The following CCNK variants were observed in gnomAD, a reference collection of about 807,000 sequenced individuals.
CCNK encodes cyclin-K.
In CCNK, 9 loss-of-function variants were observed where a neutral mutation model predicts 65.0. The ratio of observed to expected loss-of-function variants is 0.14; its 90% CI spans 0.08 to 0.24. The LOEUF (loss-of-function observed/expected upper bound fraction) is 0.24. CCNK is among the 10% of genes least tolerant of loss of function. The pLI is 1.00. For synonymous variants in CCNK, 279 were observed against 270.8 expected (o/e 1.03, Z -0.30); for missense variants, 474 against 720.0 (o/e 0.66, Z 3.91).
At chr14:99,494,365 A>C (rs1400274520) in intron 3 of CCNK, 1 of 152,258 alleles carries the variant, frequency 6.6e-6, no homozygotes, top group Non-Finnish European at 1.5e-5. Flanking sequence ...GCCAGACTTC[A>C]GAAATTTGGC....
At chr14:99,495,703 C>G in intron 4 of CCNK, 74 bp downstream of exon 4, 3 of 1,357,186 alleles carry the variant, frequency 2.2e-6, no homozygotes, top group Non-Finnish European at 3.0e-6. Context: ...CACATGTTGA[C>G]AGTGCCTGTA....
intron 5 of CCNK, 185 bp from the exon 6 acceptor site, chr14:99,501,171 G>T (rs930963709): frequency 2.9e-5 from 18 of 613,506 alleles, no homozygotes; most frequent in Non-Finnish European, 5.2e-5. Context: ...GTGGTTCAGC[G>T]TAGGTCATGA....
At chr14:99,498,792 G>A (rs971125516) in intron 4 of CCNK, among the ~76,000 whole-genome samples, 1 of 152,118 alleles carries the variant, frequency 6.6e-6, no homozygotes, top group Non-Finnish European at 1.5e-5. Flanking sequence ...CAAGTCCCCC[G>A]GATAAATAGG....
At chr14:99,508,741 GTCACACAGCAC>G (rs1897038997) in intron 10 of CCNK, 1 of 152,460 alleles carries the variant, frequency 6.6e-6, no homozygotes, top group African/African-American at 2.4e-5. Context: ...TTCCAGCTCA[GTCACACAGCAC>G]AAGGGCAGGC....
chr14:99,503,712 A>G (rs867029740), intron 9 of CCNK, 68 bp downstream of exon 9: 5 of 1,358,650 alleles, frequency 3.7e-6, no homozygotes, highest in African/African-American at 2.9e-5. Context: ...TTCTTAGCCA[A>G]CATTGTTTCT....
intron 10 of CCNK, chr14:99,507,740 G>A (rs796420997): frequency 6.5e-6 from 1 of 153,748 alleles, no homozygotes; most frequent in African/African-American, 2.4e-5. Context: ...GTGGCTACTA[G>A]GCTCCGGCCG....
In CCNK at chr14:99,503,791, T is replaced by C. The variant is rs955380878; in HGVS notation, c.1045+147T>C. The C allele has an allele frequency of 4.6e-6, 3 of 650,186 alleles. No individual in the cohort carries two copies. The African/African-American group carries it at 5.5e-5, about 12-fold the overall frequency. The allele number at this position is 650,186 out of a possible 1,614,324, so 40.3% of individuals were successfully genotyped here. ...ACAAAACTTTTCCATCAGCATTGTC[T>C]TTCTGTTCATCACCTGATCATAGAT... On this transcript the variant is annotated intron_variant, in intron 9 of 10. Coordinates refer to ENST00000389879, the MANE Select transcript of CCNK (RefSeq NM_001099402.2).
chr14:99,498,917 T>G (rs898473999), intron 4 of CCNK, among the ~76,000 whole-genome samples: 3 of 152,144 alleles, frequency 2.0e-5, no homozygotes, highest in Non-Finnish European at 2.9e-5. Context: ...CCTGTAACAG[T>G]ATGTGGGCTA....
In CCNK at chr14:99,510,628, T is replaced by TC. The variant is rs1897106634; in HGVS notation, c.1595dup (p.His533SerfsTer51). 1 of 1,260,318 alleles carries TC rather than the reference T, an allele frequency of 7.9e-7. No homozygotes were observed. The highest frequency in any genetic ancestry group is 1.0e-6 in the Non-Finnish European group (1 of 983,604). The allele number at this position is 1,260,318 out of a possible 1,614,324, so 78.1% of individuals were successfully genotyped here. ...CCACGCCTCCCGCCTACCCACGCAG[T>TC]CCCCCCTCATCCTCCTCCAGGGTTG... On this transcript the variant is annotated frameshift_variant, in exon 11 of 11. Transcript: ENST00000389879. LOFTEE classifies it high-confidence loss of function.
At chr14:99,491,555 A>C (rs1896598314) in intron 1 of CCNK, among the ~76,000 whole-genome samples, 1 of 150,956 alleles carries the variant, frequency 6.6e-6, no homozygotes, top group African/African-American at 2.4e-5. Context: ...ACACACAAAA[A>C]TGTAAATTAT....
In CCNK at chr14:99,500,946, G is replaced by A. The variant is rs989555276; in HGVS notation, c.517+75G>A. On this transcript the variant is annotated intron_variant, in intron 5 of 10. Transcript: ENST00000389879. Reference sequence around the variant, plus strand: ...TATAATTTGATGACACTCAAATTACGCTTCTCAAAAGCGGAAAACAAAGTT... The same window carrying A: ...TATAATTTGATGACACTCAAATTACACTTCTCAAAAGCGGAAAACAAAGTT... The A allele has an allele frequency of 9.4e-5, 88 of 934,656 alleles. No individual in the cohort carries two copies. The East Asian group carries it at 1.6e-3, about 17-fold the overall frequency. The allele number at this position is 934,656 out of a possible 1,614,324, so 57.9% of individuals were successfully genotyped here.
Position 99,510,205 on chromosome 14 carries a change from G to T in CCNK, c.1166G>T (p.Gly389Val). 1 of 1,597,520 alleles carries T rather than the reference G, an allele frequency of 6.3e-7. No homozygotes were observed. The highest frequency in any genetic ancestry group is 2.3e-5 in the East Asian group (1 of 44,346). ...AAALGEAEPP[G>V]PVDATDLPKV... ...GCCTTAGGTGAGGCTGAGCCGCCGGGCCCTGTGGATGCCACTGACCTCCCC... is the reference window on the plus strand; with the variant it reads ...GCCTTAGGTGAGGCTGAGCCGCCGGTCCCTGTGGATGCCACTGACCTCCCC... Residue 389 changes from glycine (G) to valine (V), a missense_variant, in exon 11 of 11, where the codon GGC becomes GTC. Transcript: ENST00000389879.
chr14:99,500,293 C>T (rs995335047), intron 4 of CCNK: 2 of 168,458 alleles, frequency 1.2e-5, no homozygotes, highest in Non-Finnish European at 2.5e-5. Flanking sequence ...AGTATATATA[C>T]ACACACATAC....
intron 1 of CCNK, chr14:99,491,900 G>A (rs906343186): frequency 1.3e-5 from 2 of 152,198 alleles, no homozygotes; most frequent in Non-Finnish European, 2.9e-5. Flanking sequence ...GTCTCTAGAT[G>A]AGATCCTTCG....
At chr14:99,481,599 C>T (rs957627648) in intron 1 of CCNK, 120 bp downstream of exon 1, 3 of 394,938 alleles carry the variant, frequency 7.6e-6, no homozygotes, top group Non-Finnish European at 1.3e-5. Flanking sequence ...ATTCTGCCTC[C>T]CTCCGCTAAC....
intron 1 of CCNK, among the ~76,000 whole-genome samples, chr14:99,488,239 A>G (rs770992961): frequency 5.9e-5 from 9 of 151,854 alleles, no homozygotes; most frequent in Non-Finnish European, 1.3e-4. Context: ...TACAATTTAT[A>G]CTTAAATTTT....
At chr14:99,492,537 A>T in intron 1 of CCNK, 89 bp from the exon 2 acceptor site, 1 of 697,674 alleles carries the variant, frequency 1.4e-6, no homozygotes, top group South Asian at 2.1e-5. Flanking sequence ...TATAGGAAAT[A>T]GTGATCCCAA....
At position 99,502,486 on chromosome 14, in the gene CCNK, A is replaced by G. The variant is rs1896857770; in HGVS notation, c.745+110A>G. 7.0e-6 allele frequency: 10 copies of G among 1,434,234 alleles called. No individual in the cohort carries two copies. The African/African-American group carries it at 7.2e-5, about 10-fold the overall frequency. The allele number at this position is 1,434,234 out of a possible 1,614,324, so 88.8% of individuals were successfully genotyped here. A position where few individuals can be genotyped will look rare whatever the true frequency, so the allele number is the denominator to read the frequency against. On this transcript the variant is annotated intron_variant, in intron 7 of 10. Coordinates refer to ENST00000389879, the MANE Select transcript of CCNK (RefSeq NM_001099402.2). ...TTTCCCAGATAGACATATGTGAGCA[A>G]TATTTCAGAAGCATCATTAATTAAA...
intron 4 of CCNK, 117 bp from the exon 5 acceptor site, chr14:99,500,649 G>A (rs769988689): frequency 5.7e-6 from 4 of 707,384 alleles, no homozygotes; most frequent in Non-Finnish European, 1.0e-5. Context: ...GGAAGGAAAG[G>A]CAGTTGCTAA....
Sources: gnomAD v4.1 joint callset for allele counts (sites outside exome capture counted in the v4.1 genomes callset) on GRCh38, gnomAD v4.1.1 for gene constraint, MANE v1.5 for transcripts, NCBI Gene and HGNC (gene_info 2026-07-23, HGNC 2026-07-21) for gene names.